PDE1C: variants seen among roughly 807,000 people sequenced by gnomAD.
The protein encoded by PDE1C is dual specificity calcium/calmodulin-dependent 3',5'-cyclic nucleotide phosphodiesterase 1C.
In PDE1C, 62 loss-of-function variants were observed where a neutral mutation model predicts 93.1. The ratio of observed to expected loss-of-function variants is 0.67; its 90% CI spans 0.54 to 0.82. The LOEUF is 0.82. PDE1C is among the 40% of genes least tolerant of loss of function. PDE1C has a pLI of 0.00. For synonymous variants in PDE1C, 325 were observed against 310.1 expected (o/e 1.05, Z -0.50); for missense variants, 742 against 884.6 (o/e 0.84, Z 2.04).
At chr7:31,688,296 G>T in the PDE1C span, among the ~76,000 whole-genome samples, 12,490 of 152,274 alleles carry the variant, frequency 0.082, 575 homozygotes, top group East Asian at 0.19. Flanking sequence ...CTAGAGAGTG[G>T]TACAAGCAGC....
chr7:32,275,831 T>A (rs41519845), intron 1 of PDE1C, among the ~76,000 whole-genome samples: 11,504 of 152,202 alleles, frequency 0.076, 582 homozygotes, highest in Non-Finnish European at 0.1. Context: ...TCACTTGTTC[T>A]TCTGTTTAAC....
chr7:31,783,123 A>C (rs1201692792), intron 16 of PDE1C, among the ~76,000 whole-genome samples: 1 of 152,196 alleles, frequency 6.6e-6, no homozygotes, highest in Admixed American at 6.5e-5. Context: ...TACCCCTTTC[A>C]AGAGTAGGAG....
chr7:31,652,386 A>G, the PDE1C span: 12 of 1,354,674 alleles, frequency 8.9e-6, no homozygotes, highest in Non-Finnish European at 1.2e-5. Flanking sequence ...CACTATCAGA[A>G]TCTGCTGCTG....
At chr7:31,831,509 C>T (rs900716478) in intron 11 of PDE1C, among the ~76,000 whole-genome samples, 4 of 151,826 alleles carry the variant, frequency 2.6e-5, no homozygotes, top group Non-Finnish European at 5.9e-5. Context: ...CACACACACA[C>T]ACACACACAC....
chr7:31,882,012 G>A (rs1418808468), intron 2 of PDE1C, among the ~76,000 whole-genome samples: 2 of 152,088 alleles, frequency 1.3e-5, no homozygotes, highest in African/African-American at 4.8e-5. Flanking sequence ...TCCTCAAATA[G>A]GTTGCCTTCA....
At chr7:32,207,716 GATA>G (rs1805694788) in intron 2 of PDE1C, among the ~76,000 whole-genome samples, 1 of 152,088 alleles carries the variant, frequency 6.6e-6, no homozygotes, top group South Asian at 2.1e-4. Flanking sequence ...CCTGTCTCAA[GATA>G]ATAAGCTTTG....
chr7:31,787,552 C>T (rs1176456384), intron 16 of PDE1C: 3 of 152,202 alleles, frequency 2.0e-5, no homozygotes, highest in Non-Finnish European at 4.4e-5. Context: ...CAAGGGCTAA[C>T]TTGTCACATT....
chr7:32,207,355 C>CAA (rs568631714), intron 2 of PDE1C, among the ~76,000 whole-genome samples: 53 of 109,954 alleles, frequency 4.8e-4, no homozygotes, highest in African/African-American at 7.0e-4. Flanking sequence ...CTTCCAGTCT[C>CAA]AAAAAAAAAA....
chr7:31,992,036 C>G (rs969148793), intron 2 of PDE1C, among the ~76,000 whole-genome samples: 2 of 152,184 alleles, frequency 1.3e-5, no homozygotes, highest in South Asian at 4.1e-4. Flanking sequence ...CTTCTGTTTC[C>G]GTGAGCTGAT....
At chr7:32,421,266 G>A (rs1346450394) in intron 1 of PDE1C, among the ~76,000 whole-genome samples, 5 of 152,114 alleles carry the variant, frequency 3.3e-5, no homozygotes, top group Non-Finnish European at 4.4e-5. Context: ...TGGCCTCCCC[G>A]CGGCCTTCAG....
chr7:32,046,215 A>ATTT (rs763064443), intron 2 of PDE1C, among the ~76,000 whole-genome samples: 19,198 of 145,042 alleles, frequency 0.13, 1,399 homozygotes, highest in East Asian at 0.28. Flanking sequence ...CTTTTTTTTA[A>ATTT]AAAAAAAAAA....
rs147428037 is a variant in PDE1C, at chr7:32,151,905, C to T, written c.308+17880G>A. Among the ~76,000 whole-genome samples, 73 of 152,308 alleles carry T rather than the reference C, an allele frequency of 4.8e-4. No homozygotes were observed. The East Asian group carries it at 0.011, about 23-fold the overall frequency. ...ATTTGAACATGTACAGTTTTTTCTA[C>T]GTCATTTATATCTTAATAAAGCTGT... is the stretch of plus-strand genomic sequence containing the variant. On this transcript the variant is annotated intron_variant, in intron 3 of 18. Transcript: ENST00000396193.
At chr7:31,777,782 G>A (rs1439360128) in intron 16 of PDE1C, among the ~76,000 whole-genome samples, 1 of 152,062 alleles carries the variant, frequency 6.6e-6, no homozygotes, top group Non-Finnish European at 1.5e-5. Context: ...AATCCAAATA[G>A]CTCAGACCTA....
intron 2 of PDE1C, among the ~76,000 whole-genome samples, chr7:31,962,887 T>A (rs912194290): frequency 5.3e-5 from 8 of 152,106 alleles, no homozygotes; most frequent in Admixed American, 5.2e-4. Context: ...CAAGACAAGC[T>A]ACAAGCAGGA....
chr7:31,904,176 T>C (rs565312293), intron 2 of PDE1C, among the ~76,000 whole-genome samples: 5 of 152,134 alleles, frequency 3.3e-5, no homozygotes, highest in Non-Finnish European at 7.4e-5. Flanking sequence ...GGAAAATGCC[T>C]GTCCTTTCAG....
chr7:32,102,736 G>A (rs1798098902), intron 3 of PDE1C, among the ~76,000 whole-genome samples: 1 of 152,246 alleles, frequency 6.6e-6, no homozygotes, highest in African/African-American at 2.4e-5. Flanking sequence ...TAGTCTTTGT[G>A]TTCCTGGTGT....
the PDE1C span, chr7:31,695,817 C>A: frequency 1.7e-4 from 72 of 426,426 alleles, no homozygotes; most frequent in African/African-American, 1.5e-3. Context: ...GGGCTTAATA[C>A]AATAAAAGTT....
At chr7:32,371,006 A>G (rs1212602066) in intron 1 of PDE1C, among the ~76,000 whole-genome samples, 1 of 151,932 alleles carries the variant, frequency 6.6e-6, no homozygotes, top group African/African-American at 2.4e-5. Flanking sequence ...AAGTCAAAAA[A>G]AAAAAAAAGT....
chr7:31,619,974 G>A, the PDE1C span, among the ~76,000 whole-genome samples: 54 of 152,298 alleles, frequency 3.5e-4, no homozygotes, highest in East Asian at 3.1e-3. Context: ...CTGGCTTGGC[G>A]GGTCCTACGC....
Sources: allele counts gnomAD v4.1 joint callset (sites outside exome capture counted in the v4.1 genomes callset), GRCh38; gene constraint gnomAD v4.1.1; transcripts MANE v1.5; gene names NCBI Gene and HGNC (gene_info 2026-07-23, HGNC 2026-07-21).